RAD51C: variants seen among roughly 807,000 people sequenced by gnomAD.
The protein encoded by RAD51C is RAD51 paralog C, also known as DNA repair protein RAD51 homolog 3.
A neutral mutation model predicts 45.0 loss-of-function variants in RAD51C; 42 were observed. That is an observed-to-expected ratio of 0.93 (90% CI 0.73 to 1.21). The LOEUF (loss-of-function observed/expected upper bound fraction) is 1.21, where lower values mean the gene tolerates loss of function less well. Among genes scored for constraint, RAD51C ranks in the 50% most tolerant of loss-of-function variants. The pLI is 0.00. For synonymous variants in RAD51C, 172 were observed against 159.8 expected (o/e 1.08, Z -0.58); for missense variants, 474 against 452.2 (o/e 1.05, Z -0.44).
rs1567799651 is a variant in RAD51C, at chr17:58,709,912, T to C, written c.759T>C (p.Asp253=). 6.2e-7 allele frequency: 1 copy of C among 1,611,378 alleles called. No homozygotes were observed. Among genetic ancestry groups the C allele is most frequent in the Non-Finnish European group, 8.5e-7 (1 of 1,177,542 alleles). ...CTTTTCCATTTCGTCATGACCTAGATGACCTGTCTCTTCGTACTCGGTTAT... is the reference window on the plus strand; with the variant it reads ...CTTTTCCATTTCGTCATGACCTAGACGACCTGTCTCTTCGTACTCGGTTAT... ...GIAFPFRHDL[D]DLSLRTRLLN... is the part of the protein sequence containing the mutation. The change falls in exon 5 of 9, where the codon GAT becomes GAC. Residue 253 remains aspartate, a synonymous_variant. Coordinates refer to ENST00000337432, the MANE Select transcript of RAD51C (RefSeq NM_058216.3).
chr17:58,726,048 T>C (rs1442850974), intron 7 of RAD51C, among the ~76,000 whole-genome samples: 1 of 150,562 alleles, frequency 6.6e-6, no homozygotes, highest in Non-Finnish European at 1.5e-5. Flanking sequence ...CAACACTGAA[T>C]ATAGATAGAT....
At position 58,702,130 on chromosome 17, in the gene RAD51C, C is replaced by T. The variant is rs184345992; in HGVS notation, c.572-1066C>T. 2.0e-4 allele frequency among the ~76,000 whole-genome samples: 30 copies of T among 151,824 alleles called. No individual in the cohort carries two copies. The East Asian group carries it at 3.1e-3, about 16-fold the overall frequency. On this transcript the variant is annotated intron_variant, in intron 3 of 8. Coordinates refer to ENST00000337432, the MANE Select transcript of RAD51C (RefSeq NM_058216.3). ...CTCACCTTAACCTCCTGAGTAGCTA[C>T]GACCAGAGTTGCACACCATCACACC...
chr17:58,722,194 T>C (rs1273137940), intron 6 of RAD51C, among the ~76,000 whole-genome samples: 2 of 152,076 alleles, frequency 1.3e-5, no homozygotes, highest in African/African-American at 4.8e-5. Context: ...AAAGCAGGGG[T>C]TCAGAGTTGG....
At chr17:58,717,654 T>G (rs1387781801) in intron 5 of RAD51C, among the ~76,000 whole-genome samples, 1 of 152,116 alleles carries the variant, frequency 6.6e-6, no homozygotes, top group African/African-American at 2.4e-5. Context: ...GGGAATCGCT[T>G]GAACTCAGGA....
intron 7 of RAD51C, among the ~76,000 whole-genome samples, chr17:58,730,164 C>CTTT (rs35483724): frequency 1.1e-4 from 14 of 121,910 alleles, no homozygotes; most frequent in Non-Finnish European, 1.7e-4. Flanking sequence ...CACAGCTGTT[C>CTTT]TTTTTTTTTT....
intron 2 of RAD51C, 27 bp downstream of exon 2, chr17:58,695,216 G>T (rs1286006766): frequency 6.3e-6 from 10 of 1,598,464 alleles, no homozygotes; most frequent in Non-Finnish European, 8.5e-6. Context: ...TCCTTTTAAG[G>T]GTGGGTTTAA....
At chr17:58,722,706 G>A (rs746950359) in intron 6 of RAD51C, among the ~76,000 whole-genome samples, 3 of 152,144 alleles carry the variant, frequency 2.0e-5, no homozygotes, top group African/African-American at 7.2e-5. Context: ...GACCACTTCT[G>A]TATGAAAATA....
At chr17:58,710,980 A>G (rs987157972) in intron 5 of RAD51C, among the ~76,000 whole-genome samples, 1 of 152,220 alleles carries the variant, frequency 6.6e-6, no homozygotes, top group Non-Finnish European at 1.5e-5. Flanking sequence ...CCTGTAATAC[A>G]TCATAAGTAA....
intron 4 of RAD51C, among the ~76,000 whole-genome samples, chr17:58,705,348 G>C (rs191336485): frequency 1.1e-4 from 16 of 150,982 alleles, no homozygotes; most frequent in African/African-American, 3.6e-4. Context: ...TTTTTTTGGG[G>C]GGGGGGTGGA....
chr17:58,699,436 A>G (rs1179496619), intron 3 of RAD51C, among the ~76,000 whole-genome samples: 1 of 151,520 alleles, frequency 6.6e-6, no homozygotes, highest in Non-Finnish European at 1.5e-5. Flanking sequence ...AAATGAGTGT[A>G]GTCAGCTGGA....
intron 3 of RAD51C, among the ~76,000 whole-genome samples, chr17:58,697,360 A>C (rs749114206): frequency 5.9e-5 from 9 of 151,910 alleles, no homozygotes; most frequent in Non-Finnish European, 1.5e-5. Flanking sequence ...ACATGATGAA[A>C]CCCTATCTGT....
At chr17:58,721,614 A>G (rs561453513) in intron 6 of RAD51C, among the ~76,000 whole-genome samples, 4 of 151,270 alleles carry the variant, frequency 2.6e-5, no homozygotes, top group Admixed American at 6.6e-5. Context: ...ACAAAATTAG[A>G]TGAGCATGGT....
intron 6 of RAD51C, among the ~76,000 whole-genome samples, chr17:58,721,603 T>C (rs913636004): frequency 1.3e-5 from 2 of 151,072 alleles, no homozygotes; most frequent in African/African-American, 4.9e-5. Flanking sequence ...CTATTAAAAA[T>C]ACAAAATTAG....
intron 7 of RAD51C, among the ~76,000 whole-genome samples, chr17:58,727,076 T>A (rs968004914): frequency 6.6e-6 from 1 of 151,638 alleles, no homozygotes; most frequent in Non-Finnish European, 1.5e-5. Flanking sequence ...CGCCTCGGCC[T>A]CCCAAAGTGC....
At chr17:58,729,263 G>C (rs767330122) in intron 7 of RAD51C, among the ~76,000 whole-genome samples, 1 of 152,174 alleles carries the variant, frequency 6.6e-6, no homozygotes, top group African/African-American at 2.4e-5. Context: ...TGTTGCCCAG[G>C]CTGGAGTGCA....
chr17:58,726,627 C>T (rs541269927), intron 7 of RAD51C, among the ~76,000 whole-genome samples: 4 of 142,060 alleles, frequency 2.8e-5, no homozygotes, highest in African/African-American at 8.3e-5. Context: ...TATGTGTATA[C>T]GTATAGATGT....
chr17:58,705,762 CG>C (rs2048358737), intron 4 of RAD51C: 1 of 152,116 alleles, frequency 6.6e-6, no homozygotes, highest in Non-Finnish European at 1.5e-5. Flanking sequence ...ATTCAACATA[CG>C]AATTTTAAGG....
At chr17:58,697,534 G>C (rs1244273630) in intron 3 of RAD51C, among the ~76,000 whole-genome samples, 2 of 102,600 alleles carry the variant, frequency 1.9e-5, no homozygotes, top group Non-Finnish European at 3.7e-5. Context: ...AGACTACTCT[G>C]TCTCTTAAAA....
intron 7 of RAD51C, 172 bp from the exon 8 acceptor site, chr17:58,732,312 G>A (rs541791732): frequency 8.7e-6 from 5 of 577,556 alleles, no homozygotes; most frequent in African/African-American, 1.9e-5. Flanking sequence ...ATATACATAC[G>A]GGTAATTTGA....
Sources: allele counts gnomAD v4.1 joint callset (sites outside exome capture counted in the v4.1 genomes callset), GRCh38; gene constraint gnomAD v4.1.1; transcripts MANE v1.5; gene names NCBI Gene and HGNC (gene_info 2026-07-23, HGNC 2026-07-21).